COPB1: variants seen among roughly 807,000 people sequenced by gnomAD.
COPB1 encodes the protein coat protein complex I subunit beta 1, also known as coatomer subunit beta.
Under a neutral mutation model 108.7 loss-of-function variants are expected in COPB1, and 21 were observed. That is an observed-to-expected ratio of 0.19 (90% confidence interval 0.14 to 0.28). The LOEUF (loss-of-function observed/expected upper bound fraction) is 0.28. Ranked by LOEUF, COPB1 falls within the 10% of genes least tolerant of loss-of-function variation. The pLI is 1.00. For missense variants in COPB1, 919 were observed against 1,141.3 expected (o/e 0.81, Z 2.81); for synonymous variants, 378 against 386.8 (o/e 0.98, Z 0.27).
At chr11:14,460,662 C>A (rs1850125456) in intron 19 of COPB1, among the ~76,000 whole-genome samples, 2 of 151,960 alleles carry the variant, frequency 1.3e-5, no homozygotes, top group Non-Finnish European at 1.5e-5. Context: ...GACTACCACA[C>A]CGGGCTAATT....
intron 7 of COPB1, among the ~76,000 whole-genome samples, chr11:14,484,038 TA>T (rs1319474989): frequency 2.0e-5 from 3 of 151,868 alleles, no homozygotes; most frequent in African/African-American, 7.2e-5. Flanking sequence ...CTTGGTAAGA[TA>T]CACTAAGAAG....
At chr11:14,472,503 G>C (rs537007121) in intron 14 of COPB1, among the ~76,000 whole-genome samples, 1 of 152,320 alleles carries the variant, frequency 6.6e-6, no homozygotes, top group South Asian at 2.1e-4. Context: ...TTCAACTTAA[G>C]TTACTGGTTG....
At chr11:14,468,655 T>C (rs780623677) in intron 16 of COPB1, 26 bp downstream of exon 16, 2 of 1,604,174 alleles carry the variant, frequency 1.2e-6, no homozygotes, top group Non-Finnish European at 8.5e-7. Context: ...TTTAAATAAT[T>C]TAGAGTCTAT....
intron 14 of COPB1, among the ~76,000 whole-genome samples, chr11:14,470,944 A>ACTCTCTCTCTCT (rs1162965849): frequency 5.5e-5 from 5 of 90,156 alleles, no homozygotes; most frequent in African/African-American, 2.6e-4. Context: ...ACACACACAC[A>ACTCTCTCTCTCT]CTCTCTCTCT....
chr11:14,463,024 A>G (rs1850194354), intron 18 of COPB1, among the ~76,000 whole-genome samples: 1 of 152,216 alleles, frequency 6.6e-6, no homozygotes, highest in African/African-American at 2.4e-5. Context: ...GTCCCACAAG[A>G]AATGTTTTAA....
chr11:14,490,537 T>G, intron 5 of COPB1, 28 bp downstream of exon 5: 1 of 1,254,876 alleles, frequency 8.0e-7, no homozygotes. Flanking sequence ...AATACAGTAA[T>G]AAGAGTATTT....
intron 2 of COPB1, 178 bp from the exon 3 acceptor site, chr11:14,494,617 T>C (rs1850977277): frequency 1.9e-6 from 1 of 536,724 alleles, no homozygotes; most frequent in Non-Finnish European, 3.3e-6. Flanking sequence ...AAATAATCTG[T>C]CTTTGCTCAA....
In COPB1 at chr11:14,458,562, G is replaced by A. The variant is rs1166436489; in HGVS notation, c.2772C>T (p.Thr924=). The A allele has an allele frequency of 2.0e-5, 32 of 1,612,028 alleles. No individual in the cohort carries two copies. The highest frequency in any genetic ancestry group is 2.5e-5 in the Non-Finnish European group (29 of 1,179,268). Residue 924 remains threonine (T), a synonymous_variant, in exon 21 of 22, where the codon ACC becomes ACT. Transcript: ENST00000439561. ...TCTTTGCACGAATTCTTATATGGCC[G>A]GTAACAGCAGCATCTGGTCCCTGGT... is the stretch of plus-strand genomic sequence containing the variant. ...PIHQGPDAAV[T]GHIRIRAKSQ...
Position 14,480,952 on chromosome 11 carries a change from C to T in COPB1, c.1065+38G>A, listed in dbSNP as rs746839686. ...AAGTGAGAGTTACATCATATTTGGG[C>T]CTGATAGCTACAAAGTGCTGTCAGA... On this transcript the variant is annotated intron_variant, in intron 9 of 21. Transcript: ENST00000439561. 6 of 1,611,922 alleles carry T rather than the reference C, an allele frequency of 3.7e-6. No individual in the cohort carries two copies. In the South Asian group the frequency reaches 4.4e-5, roughly 12 times the overall value.
intron 1 of COPB1, among the ~76,000 whole-genome samples, chr11:14,499,220 C>G (rs1244823532): frequency 6.6e-6 from 1 of 152,120 alleles, no homozygotes; most frequent in East Asian, 1.9e-4. Context: ...CGAATGAAGG[C>G]CCACAGAACA....
At chr11:14,461,861 A>G (rs1589951319) in intron 18 of COPB1, among the ~76,000 whole-genome samples, 1 of 152,282 alleles carries the variant, frequency 6.6e-6, no homozygotes, top group East Asian at 1.9e-4. Flanking sequence ...TGGATACCAA[A>G]ATCTACAGAT....
chr11:14,470,116 T>C (rs984872304), intron 14 of COPB1, among the ~76,000 whole-genome samples: 1 of 152,184 alleles, frequency 6.6e-6, no homozygotes, highest in Non-Finnish European at 1.5e-5. Context: ...TAAATCTCCC[T>C]AAATTGTCTT....
At chr11:14,471,845 C>G (rs1850411457) in intron 14 of COPB1, among the ~76,000 whole-genome samples, 1 of 152,128 alleles carries the variant, frequency 6.6e-6, no homozygotes, top group African/African-American at 2.4e-5. Flanking sequence ...TTGCTTAAAC[C>G]CAGGAGGCGG....
In COPB1 at chr11:14,457,634, G is replaced by A. The variant is rs1589948701; in HGVS notation, c.*190C>T. 1 of 530,866 alleles carries A rather than the reference G, an allele frequency of 1.9e-6. No individual in the cohort carries two copies. The highest frequency in any genetic ancestry group is 3.5e-5 in the East Asian group (1 of 28,800). The allele number at this position is 530,866 out of a possible 1,614,324, so 32.9% of individuals were successfully genotyped here. ...TACTTTGAGGACAGCATTCAGAACT[G>A]TTAAGACAAAAGACAAACTATAATT... On this transcript the variant is annotated 3_prime_UTR_variant, in exon 22 of 22. Transcript: ENST00000439561.
chr11:14,485,383 T>A (rs1237488624), intron 7 of COPB1, among the ~76,000 whole-genome samples: 1 of 151,784 alleles, frequency 6.6e-6, no homozygotes, highest in African/African-American at 2.4e-5. Context: ...CCCAGGCTGG[T>A]CTCAAACTCC....
intron 14 of COPB1, among the ~76,000 whole-genome samples, chr11:14,470,944 A>ACACACACACACACACACACTCT (rs1285522756): frequency 1.1e-4 from 10 of 90,210 alleles, no homozygotes; most frequent in African/African-American, 5.2e-4. Flanking sequence ...ACACACACAC[A>ACACACACACACACACACACTCT]CTCTCTCTCT....
At chr11:14,465,179 GA>G in intron 17 of COPB1, 149 bp from the exon 18 acceptor site, 1 of 1,123,152 alleles carries the variant, frequency 8.9e-7, no homozygotes, top group Non-Finnish European at 1.2e-6. Context: ...ACGAATATGA[GA>G]AGAGTATGAA....
chr11:14,468,618 G>T, intron 16 of COPB1, 63 bp downstream of exon 16: 1 of 1,444,464 alleles, frequency 6.9e-7, no homozygotes, highest in Non-Finnish European at 9.6e-7. Flanking sequence ...AAAAATAGCA[G>T]CACTAACAAC....
chr11:14,493,957 A>G, intron 3 of COPB1, 146 bp from the exon 4 acceptor site: 1 of 779,276 alleles, frequency 1.3e-6, no homozygotes, highest in Admixed American at 3.1e-5. Flanking sequence ...TGTTGACTGA[A>G]GCAATTTTTA....
Sources: allele counts gnomAD v4.1 joint callset (sites outside exome capture counted in the v4.1 genomes callset), GRCh38; gene constraint gnomAD v4.1.1; transcripts MANE v1.5; gene names NCBI Gene and HGNC (gene_info 2026-07-23, HGNC 2026-07-21).